USP44: variants seen among roughly 807,000 people sequenced by gnomAD.
USP44 encodes the protein ubiquitin specific peptidase 44.
Under a neutral mutation model 69.0 loss-of-function variants are expected in USP44, and 61 were observed. The observed-to-expected ratio is 0.88, with a 90% CI of 0.72 to 1.09. The LOEUF (loss-of-function observed/expected upper bound fraction) is 1.09. Ranked by LOEUF, USP44 falls within the 50% of genes least tolerant of loss-of-function variation. The probability of loss-of-function intolerance (pLI) is 0.00; values close to 1 mark genes in which losing one functional copy is unlikely to be tolerated. For missense variants in USP44, 753 were observed against 849.9 expected (o/e 0.89, Z 1.42); for synonymous variants, 297 against 295.4 (o/e 1.01, Z -0.06).
At chr12:95,532,511 C>T (rs1305225782) in intron 2 of USP44, among the ~76,000 whole-genome samples, 3 of 152,026 alleles carry the variant, frequency 2.0e-5, no homozygotes, top group Admixed American at 1.3e-4. Context: ...TCTTTAAATC[C>T]GTTCCCTCTG....
chr12:95,531,432 G>C (rs1412576057), intron 2 of USP44, among the ~76,000 whole-genome samples: 1 of 152,100 alleles, frequency 6.6e-6, no homozygotes, highest in Non-Finnish European at 1.5e-5. Context: ...AATGGATTGT[G>C]GGGTTATAGG....
Position 95,518,013 on chromosome 12 carries a change from TAA to T in USP44, c.*139_*140del. On this transcript the variant is annotated 3_prime_UTR_variant, in exon 6 of 6. Transcript: ENST00000258499. ...AGTTGATATATACATTTATACTTTGTAAAAAAAAAAATTGTTAGATATAAAAT... is the reference window on the plus strand; with the variant it reads ...AGTTGATATATACATTTATACTTTGTAAAAAAAAATTGTTAGATATAAAAT... 2.3e-5 allele frequency: 17 copies of T among 747,926 alleles called. No homozygotes were observed. The highest frequency in any genetic ancestry group is 3.5e-5 in the Admixed American group (1 of 28,264). 46.3% of individuals were successfully genotyped at this position (747,926 alleles called of 1,614,324 possible).
rs2076777380 is a variant in USP44, at chr12:95,524,675, C to T, written c.1733+5G>A. Reference sequence around the variant, plus strand: ...GATAACTTTGCAACTGGTCCTACTACAGACCTGAATCGTTTGAGGTGCAGT... The same window carrying T: ...GATAACTTTGCAACTGGTCCTACTATAGACCTGAATCGTTTGAGGTGCAGT... On this transcript the variant is annotated splice_donor_5th_base_variant and intron_variant, in intron 4 of 5. Coordinates refer to ENST00000258499, the MANE Select transcript of USP44 (RefSeq NM_032147.5). 6.9e-6 allele frequency: 11 copies of T among 1,597,314 alleles called. No homozygotes were observed. The highest frequency in any genetic ancestry group is 1.1e-5 in the South Asian group (1 of 87,732).
chr12:95,539,389 C>A (rs530042355), intron 1 of USP44, among the ~76,000 whole-genome samples: 40 of 152,190 alleles, frequency 2.6e-4, no homozygotes, highest in African/African-American at 8.7e-4. Context: ...CCACACCCAG[C>A]TAATTTTTCT....
rs1344016181 is a variant in USP44, at chr12:95,516,781, G to T, written c.*1373C>A. 6.6e-6 allele frequency: 1 copy of T among 152,084 alleles called. No individual in the cohort carries two copies. Among genetic ancestry groups the T allele is most frequent in the Non-Finnish European group, 1.5e-5 (1 of 68,018 alleles). 9.4% of individuals were successfully genotyped at this position (152,084 alleles called of 1,614,324 possible). A position where few individuals can be genotyped will look rare whatever the true frequency, so the allele number is the denominator to read the frequency against. ...TTGTGAAATTTAAGAAAAATTTATTGGTAGAGACCTCTTTCAAGTTTGTAC... is the reference window on the plus strand; with the variant it reads ...TTGTGAAATTTAAGAAAAATTTATTTGTAGAGACCTCTTTCAAGTTTGTAC... On this transcript the variant is annotated 3_prime_UTR_variant, in exon 6 of 6. Coordinates refer to ENST00000258499, the MANE Select transcript of USP44 (RefSeq NM_032147.5).
At chr12:95,549,335 G>A (rs181188808) in intron 1 of USP44, among the ~76,000 whole-genome samples, 4 of 152,300 alleles carry the variant, frequency 2.6e-5, no homozygotes, top group Non-Finnish European at 5.9e-5. Flanking sequence ...CACCGCAGAA[G>A]GGCGAGAGAG....
At chr12:95,519,837 C>T (rs1342131925) in intron 5 of USP44, among the ~76,000 whole-genome samples, 1 of 150,656 alleles carries the variant, frequency 6.6e-6, no homozygotes, top group African/African-American at 2.4e-5. Flanking sequence ...GCCAGGAGTT[C>T]AAGACCAGCC....
rs764251340 is a variant in USP44 at position 95,521,138 on chromosome 12, T to C, written c.1798A>G (p.Met600Val). ...VHVGFEEILN[M>V]EPYCCRETLK... ...GTCTCCCTGCAGCAATAGGGCTCCA[T>C]GTTTAAGATTTCCTCAAAGCCAACA... The change falls in exon 5 of 6, where the codon ATG becomes GTG. Residue 600 changes from methionine to valine, a missense_variant. Physicochemically the swap from Met to Val is conservative, Grantham distance 21. Transcript: ENST00000258499. The C allele has an allele frequency of 1.2e-6, 2 of 1,614,062 alleles. No homozygotes were observed. Among genetic ancestry groups the C allele is most frequent in the African/African-American group, 2.7e-5 (2 of 74,936 alleles).
At chr12:95,522,410 G>A (rs987668248) in intron 4 of USP44, among the ~76,000 whole-genome samples, 1 of 152,126 alleles carries the variant, frequency 6.6e-6, no homozygotes, top group African/African-American at 2.4e-5. Flanking sequence ...CTGTGGGGTT[G>A]TGAAATATAT....
At chr12:95,535,623 A>G (rs1427445122) in intron 1 of USP44, among the ~76,000 whole-genome samples, 1 of 152,206 alleles carries the variant, frequency 6.6e-6, no homozygotes, top group Non-Finnish European at 1.5e-5. Flanking sequence ...GATTTTTGAC[A>G]CAGAACTTGT....
chr12:95,516,750 CTTGTT>C lies in USP44; in HGVS notation c.*1399_*1403del, dbSNP rs1208085138. The C allele has an allele frequency of 6.6e-6, 1 of 152,154 alleles. No individual in the cohort carries two copies. The highest frequency in any genetic ancestry group is 2.4e-5 in the African/African-American group (1 of 41,420). 9.4% of individuals were successfully genotyped at this position (152,154 alleles called of 1,614,324 possible). A position where few individuals can be genotyped will look rare whatever the true frequency, so the allele number is the denominator to read the frequency against. ...CCTCACTATCAGCTAACCCAGATGACTTGTTTTGTGAAATTTAAGAAAAATTTATT... is the reference window on the plus strand; with the variant it reads ...CCTCACTATCAGCTAACCCAGATGACTTGTGAAATTTAAGAAAAATTTATT... On this transcript the variant is annotated 3_prime_UTR_variant, in exon 6 of 6. Coordinates refer to ENST00000258499, the MANE Select transcript of USP44 (RefSeq NM_032147.5).
intron 3 of USP44, among the ~76,000 whole-genome samples, chr12:95,527,543 G>A (rs1339714620): frequency 1.3e-5 from 2 of 152,114 alleles, no homozygotes; most frequent in East Asian, 3.9e-4. Context: ...GGAGTGCAGT[G>A]GCACGATCTT....
chr12:95,542,798 G>GT (rs1260664407), intron 1 of USP44, among the ~76,000 whole-genome samples: 1 of 150,414 alleles, frequency 6.6e-6, no homozygotes, highest in Non-Finnish European at 1.5e-5. Context: ...GTTGAAAATA[G>GT]TAAGTCCTTG....
Position 95,534,217 on chromosome 12 carries a change from G to T in USP44, c.40C>A (p.Gln14Lys). 1 of 1,613,856 alleles carries T rather than the reference G, an allele frequency of 6.2e-7. No individual in the cohort carries two copies. The highest frequency in any genetic ancestry group is 1.3e-5 in the African/African-American group (1 of 75,028). ...AGGCTGGAATGGTCTTGAGCAAGCT[G>T]CAGCTGCCCAACATGTTTGCACGTA... ...MDTCKHVGQL[Q>K]LAQDHSSLNP... is the part of the protein sequence containing the mutation. The change falls in exon 2 of 6, where the codon CAG becomes AAG. Residue 14 changes from glutamine to lysine, a missense_variant. Transcript: ENST00000258499.
At chr12:95,525,165 G>C (rs1017933071) in intron 3 of USP44, among the ~76,000 whole-genome samples, 2 of 152,188 alleles carry the variant, frequency 1.3e-5, no homozygotes, top group Non-Finnish European at 2.9e-5. Flanking sequence ...TCCGCCTCCT[G>C]GGTTCAAGCA....
rs758078130 is a variant in USP44 at position 95,528,939 on chromosome 12, C to T, written c.1492G>A (p.Glu498Lys). 2 of 1,614,002 alleles carry T rather than the reference C, an allele frequency of 1.2e-6. No homozygotes were observed. The highest frequency in any genetic ancestry group is 1.7e-6 in the Non-Finnish European group (2 of 1,179,972). Reference protein sequence around the residue: ...TIEPFWDLSLEFPERYQCSGK... With the variant: ...TIEPFWDLSLKFPERYQCSGK... Reference sequence around the variant, plus strand: ...CTGCATTGATACCTTTCTGGAAACTCCAATGACAAGTCCCAGAAAGGTTCT... The same window carrying T: ...CTGCATTGATACCTTTCTGGAAACTTCAATGACAAGTCCCAGAAAGGTTCT... The change falls in exon 3 of 6, where the codon GAG becomes AAG. Residue 498 changes from glutamate to lysine, a missense_variant. Physicochemically the swap from Glu to Lys is moderately conservative, Grantham distance 56. Coordinates refer to ENST00000258499, the MANE Select transcript of USP44 (RefSeq NM_032147.5).
At chr12:95,540,393 A>G (rs907072193) in intron 1 of USP44, among the ~76,000 whole-genome samples, 2 of 136,048 alleles carry the variant, frequency 1.5e-5, no homozygotes, top group Non-Finnish European at 3.0e-5. Context: ...CTCAGGCTGG[A>G]GTGCAATGGT....
intron 2 of USP44, among the ~76,000 whole-genome samples, chr12:95,531,733 T>A (rs190522380): frequency 1.2e-4 from 18 of 152,288 alleles, no homozygotes; most frequent in Admixed American, 4.6e-4. Context: ...AAACAAAAGA[T>A]GGCCTTATTA....
chr12:95,524,022 G>A (rs539365545), intron 4 of USP44, among the ~76,000 whole-genome samples: 2 of 151,816 alleles, frequency 1.3e-5, no homozygotes, highest in African/African-American at 4.8e-5. Context: ...AATTACAGGC[G>A]TGTGTCACCA....
Sources: gnomAD v4.1 joint callset for allele counts (sites outside exome capture counted in the v4.1 genomes callset) on GRCh38, gnomAD v4.1.1 for gene constraint, MANE v1.5 for transcripts, NCBI Gene and HGNC (gene_info 2026-07-23, HGNC 2026-07-21) for gene names.